Variants in EDAR observed in about 807,000 individuals in gnomAD.
EDAR encodes ectodysplasin A receptor, also known as tumor necrosis factor receptor superfamily member EDAR.
A neutral mutation model predicts 51.3 loss-of-function variants in EDAR; 38 were observed. The observed-to-expected ratio is 0.74, with a 90% CI of 0.57 to 0.97. The LOEUF (loss-of-function observed/expected upper bound fraction) is 0.97. Among genes scored for constraint, EDAR ranks in the 50% least tolerant of loss-of-function variants. EDAR has a pLI of 0.00. For synonymous variants in EDAR, 227 were observed against 242.1 expected, an observed-to-expected ratio of 0.94 and a Z score of 0.58; for missense variants, 528 against 595.0, an observed-to-expected ratio of 0.89 and a Z score of 1.17.
intron 11 of EDAR, among the ~76,000 whole-genome samples, chr2:108,905,018 G>A (rs566402998): frequency 6.6e-6 from 1 of 152,304 alleles, no homozygotes; most frequent in African/African-American, 2.4e-5. Flanking sequence ...ATGGTAAGAA[G>A]TATCTCAAAA....
Position 108,923,425 on chromosome 2 carries a change from T to C in EDAR, c.385A>G (p.Asn129Asp). Residue 129 changes from asparagine (N) to aspartate (D), a missense_variant, in exon 5 of 12, where the codon AAC (asparagine) becomes GAC (aspartate). Transcript: ENST00000258443. The stretch of plus-strand genomic sequence containing the variant: ...GAGTAGCAGACCATGCCATAGATGT[T>C]CCTCGGTCTGTTCTCCAGCATGTAG... ...GYYMLENRPR[N>D]IYGMVCYSCL... 8 of 1,614,094 alleles carry C rather than the reference T, an allele frequency of 5.0e-6. No homozygotes were observed. Among genetic ancestry groups the C allele is most frequent in the Non-Finnish European group, 6.8e-6 (8 of 1,180,016 alleles).
intron 4 of EDAR, among the ~76,000 whole-genome samples, chr2:108,928,663 C>A (rs1163211550): frequency 6.6e-6 from 1 of 152,166 alleles, no homozygotes; most frequent in African/African-American, 2.4e-5. Context: ...TGGTCCCTGG[C>A]AGAATTTGCT....
intron 11 of EDAR, among the ~76,000 whole-genome samples, chr2:108,902,901 G>C (rs75007246): frequency 0.013 from 2,013 of 152,242 alleles, 61 homozygotes; most frequent in South Asian, 0.086. Context: ...GGTATAGCCA[G>C]TGCAATAAAA....
At chr2:108,923,516 G>A (rs1697190288) in intron 4 of EDAR, 63 bp from the exon 5 acceptor site, 1 of 1,496,658 alleles carries the variant, frequency 6.7e-7, no homozygotes, top group East Asian at 2.3e-5. Context: ...GGCAGGGACT[G>A]GTGCAGAGAG....
intron 1 of EDAR, among the ~76,000 whole-genome samples, chr2:108,933,065 A>C (rs1439799604): frequency 6.6e-6 from 1 of 152,240 alleles, no homozygotes; most frequent in African/African-American, 2.4e-5. Context: ...ACACCCACAA[A>C]AAATCCAAAG....
At chr2:108,964,728 C>T (rs955003568) in intron 1 of EDAR, among the ~76,000 whole-genome samples, 2 of 152,180 alleles carry the variant, frequency 1.3e-5, no homozygotes, top group Admixed American at 6.5e-5. Flanking sequence ...CTCTCCGTTA[C>T]GCCACACTCA....
chr2:108,957,448 T>C (rs1331990685), intron 1 of EDAR, among the ~76,000 whole-genome samples: 4 of 152,338 alleles, frequency 2.6e-5, no homozygotes, highest in Admixed American at 1.3e-4. Context: ...GTCCTTCAAA[T>C]AGAGGGCTAT....
Position 108,912,778 on chromosome 2 carries a change from A to G in EDAR, c.443-14T>C. 1.3e-6 allele frequency: 2 copies of G among 1,574,458 alleles called. No homozygotes were observed. Among genetic ancestry groups the G allele is most frequent in the Non-Finnish European group, 1.7e-6 (2 of 1,159,572 alleles). The stretch of plus-strand genomic sequence containing the variant: ...TGGCTCCCACACCTGCAAGGAAAAT[A>G]GAGTCCCTCAAATGATCCAGAGAAG... On this transcript the variant is annotated splice_polypyrimidine_tract_variant and intron_variant, in intron 5 of 11. Transcript: ENST00000258443.
chr2:108,910,619 G>A (rs1696907959), intron 8 of EDAR, 87 bp from the exon 9 acceptor site: 1 of 1,413,462 alleles, frequency 7.1e-7, no homozygotes, highest in Non-Finnish European at 9.9e-7. Context: ...TTCCTGTTGG[G>A]CAGAGCTGCC....
At chr2:108,931,757 T>C (rs1697371072) in intron 1 of EDAR, among the ~76,000 whole-genome samples, 1 of 152,164 alleles carries the variant, frequency 6.6e-6, no homozygotes, top group South Asian at 2.1e-4. Flanking sequence ...TTTCACTTTC[T>C]GAATGGAGAC....
chr2:108,986,939 C>T (rs2104494732), intron 1 of EDAR, among the ~76,000 whole-genome samples: 1 of 152,240 alleles, frequency 6.6e-6, no homozygotes, highest in South Asian at 2.1e-4. Flanking sequence ...ATTAATGATA[C>T]TATTGGTGGG....
intron 9 of EDAR, 109 bp from the exon 10 acceptor site, chr2:108,908,128 A>C: frequency 7.8e-7 from 1 of 1,285,270 alleles, no homozygotes. Context: ...AGTGGGGGGC[A>C]ATGACTTGTT....
At chr2:108,972,606 A>G (rs1407592483) in intron 1 of EDAR, among the ~76,000 whole-genome samples, 1 of 152,258 alleles carries the variant, frequency 6.6e-6, no homozygotes, top group Non-Finnish European at 1.5e-5. Flanking sequence ...GTGTTGGTAA[A>G]ACAAGTGTCT....
rs563517013 is a variant in EDAR at position 108,986,230 on chromosome 2, T to C, written c.-19+2730A>G. Among the ~76,000 whole-genome samples the C allele has an allele frequency of 4.5e-4, 68 of 152,306 alleles. 1 individual carries two copies. Among genetic ancestry groups the C allele is most frequent in the Middle Eastern group, 3.4e-3 (1 of 294 alleles). ...CAATGGCCTATATTTGACAGTTTTT[T>C]TCACTATATAAAAACTACAAACACT... On this transcript the variant is annotated intron_variant, in intron 1 of 11. Transcript: ENST00000258443.
chr2:108,974,269 G>A (rs1574413540), intron 1 of EDAR, among the ~76,000 whole-genome samples: 1 of 130,620 alleles, frequency 7.7e-6, no homozygotes, highest in East Asian at 2.2e-4. Context: ...GGCGGAGCTT[G>A]CAGTGAGCTG....
intron 1 of EDAR, among the ~76,000 whole-genome samples, chr2:108,963,049 G>C (rs2104411292): frequency 6.6e-6 from 1 of 152,276 alleles, no homozygotes; most frequent in East Asian, 1.9e-4. Context: ...TGGTGGCTCT[G>C]CGTCACTGAA....
At chr2:108,897,266 T>G (rs1445688439) in intron 11 of EDAR, 37 bp from the exon 12 acceptor site, 4 of 1,569,838 alleles carry the variant, frequency 2.5e-6, no homozygotes, top group Admixed American at 1.7e-5. Flanking sequence ...ATGTTGCAAG[T>G]CACAGTCAAT....
At chr2:108,911,625 C>A (rs1261220414) in intron 6 of EDAR, among the ~76,000 whole-genome samples, 1 of 152,294 alleles carries the variant, frequency 6.6e-6, no homozygotes. Context: ...CCCTCAGTCA[C>A]CCCGGGGGAT....
chr2:108,914,805 A>C (rs761018638), intron 5 of EDAR, among the ~76,000 whole-genome samples: 21 of 152,162 alleles, frequency 1.4e-4, no homozygotes, highest in Non-Finnish European at 2.6e-4. Context: ...GCCATCCCCA[A>C]ATCAAGGTAC....
Sources: allele counts gnomAD v4.1 joint callset (sites outside exome capture counted in the v4.1 genomes callset), GRCh38; gene constraint gnomAD v4.1.1; transcripts MANE v1.5; gene names NCBI Gene and HGNC (gene_info 2026-07-23, HGNC 2026-07-21).